The following POLR3E variants were observed in gnomAD, a reference collection of about 807,000 sequenced individuals.
POLR3E encodes the protein DNA-directed RNA polymerase III subunit RPC5.
A neutral mutation model predicts 96.6 loss-of-function variants in POLR3E; 41 were observed. The ratio of observed to expected loss-of-function variants is 0.42; its 90% CI spans 0.33 to 0.55. The LOEUF is 0.55. Ranked by LOEUF, POLR3E falls within the 20% of genes least tolerant of loss-of-function variation. The pLI is 0.06. For synonymous variants in POLR3E, 396 were observed against 383.6 expected (o/e 1.03, Z -0.38); for missense variants, 849 against 952.1 (o/e 0.89, Z 1.43).
In POLR3E at chr16:22,313,766, T is replaced by G. The variant is rs1406204490; in HGVS notation, c.472+39T>G. ...CCCCAGCCCTGCTGCCTGCCTGCCT[T>G]CATCCTGGTGGGATGGCTTGGTCCT... On this transcript the variant is annotated intron_variant, in intron 7 of 20. Coordinates refer to ENST00000299853, the MANE Select transcript of POLR3E (RefSeq NM_018119.4). The surrounding 1 kb of genome is among the most constrained non-coding windows in gnomAD (Gnocchi z 4.1). 1 of 1,373,866 alleles carries G rather than the reference T, an allele frequency of 7.3e-7. No homozygotes were observed. The highest frequency in any genetic ancestry group is 1.2e-5 in the South Asian group (1 of 86,216). The allele number at this position is 1,373,866 out of a possible 1,614,324, so 85.1% of individuals were successfully genotyped here.
At chr16:22,308,482 C>T (rs932116857) in intron 4 of POLR3E, 17 of 522,702 alleles carry the variant, frequency 3.3e-5, no homozygotes, top group Middle Eastern at 1.1e-3. Flanking sequence ...AAGACGAGGG[C>T]GGGCGGGTGA....
chr16:22,299,210 T>C (rs1348686087), intron 1 of POLR3E, among the ~76,000 whole-genome samples: 2 of 152,014 alleles, frequency 1.3e-5, no homozygotes, highest in Non-Finnish European at 2.9e-5. Context: ...TGTGGGAGAA[T>C]AGATGATGTG....
intron 19 of POLR3E, among the ~76,000 whole-genome samples, chr16:22,329,432 T>C (rs774958682): frequency 2.9e-4 from 44 of 152,156 alleles, no homozygotes; most frequent in Non-Finnish European, 4.9e-4. Flanking sequence ...CAGCTTTTCT[T>C]AGGCCGTGAA....
In POLR3E at chr16:22,323,396, A is replaced by G. The variant is rs867703891; in HGVS notation, c.1068+465A>G. On this transcript the variant is annotated intron_variant, in intron 14 of 20. Coordinates refer to ENST00000299853, the MANE Select transcript of POLR3E (RefSeq NM_018119.4). Reference sequence around the variant, plus strand: ...CTGTCCCTGGAGTTTGGGACTCCTGAGCTGGTGTCTCCCTTCTTCCCATCA... The same window carrying G: ...CTGTCCCTGGAGTTTGGGACTCCTGGGCTGGTGTCTCCCTTCTTCCCATCA... Among the ~76,000 whole-genome samples the G allele has an allele frequency of 4.0e-5, 6 of 151,852 alleles. No individual in the cohort carries two copies. The East Asian group carries it at 9.7e-4, about 24-fold the overall frequency.
At chr16:22,305,246 T>C in intron 3 of POLR3E, 40 bp downstream of exon 3, 3 of 1,451,340 alleles carry the variant, frequency 2.1e-6, no homozygotes, top group Non-Finnish European at 2.9e-6. Flanking sequence ...GAGAAGCAGG[T>C]GTGGGTGGGT....
intron 6 of POLR3E, 49 bp downstream of exon 6, chr16:22,309,559 C>T: frequency 8.1e-7 from 1 of 1,240,448 alleles, no homozygotes; most frequent in Non-Finnish European, 1.2e-6. Flanking sequence ...TTGGGGGGGG[C>T]TGGGCAGGGA....
At position 22,332,115 on chromosome 16, in the gene POLR3E, T is replaced by C. The variant is rs1324733922; in HGVS notation, c.2000T>C (p.Met667Thr). The change falls in exon 20 of 21, where the codon ATG (methionine) becomes ACG (threonine). Residue 667 changes from methionine to threonine, a missense_variant. Physicochemically the swap from Met to Thr is moderately conservative, Grantham distance 81. Transcript: ENST00000299853. ...FSKNYRVRRN[M>T]IQSRLTQECG... The stretch of plus-strand genomic sequence containing the variant: ...AAAAATTACCGGGTACGCCGAAACA[T>C]GATCCAGTCTCGGTTGACTCAAGAG... The C allele has an allele frequency of 1.2e-6, 2 of 1,613,558 alleles. No individual in the cohort carries two copies. Among genetic ancestry groups the C allele is most frequent in the Non-Finnish European group, 1.7e-6 (2 of 1,179,540 alleles).
At position 22,332,416 on chromosome 16, in the gene POLR3E, C is replaced by T. The variant is rs148055849; in HGVS notation, c.2070+231C>T. Among the ~76,000 whole-genome samples the T allele has an allele frequency of 1.8e-3, 281 of 152,196 alleles. 1 individual carries two copies. Among genetic ancestry groups the T allele is most frequent in the Middle Eastern group, 0.01 (3 of 294 alleles). On this transcript the variant is annotated intron_variant, in intron 20 of 20. Transcript: ENST00000299853. ...CAAACAATATAGTCACAGTGGTGTC[C>T]AAGGGAAAGAATACAGCCATGGATG...
chr16:22,309,329 G>C, intron 5 of POLR3E, 99 bp from the exon 6 acceptor site: 1 of 947,084 alleles, frequency 1.1e-6, no homozygotes, highest in Non-Finnish European at 1.7e-6. Context: ...CCCTGGCTGT[G>C]GCACTTCAGA....
chr16:22,333,271 G>C (rs2048781952), intron 20 of POLR3E, among the ~76,000 whole-genome samples: 1 of 151,392 alleles, frequency 6.6e-6, no homozygotes, highest in Non-Finnish European at 1.5e-5. Flanking sequence ...TGACCAACAT[G>C]GAGAAACCCC....
chr16:22,332,032 C>A, intron 19 of POLR3E, 28 bp from the exon 20 acceptor site: 1 of 1,608,028 alleles, frequency 6.2e-7, no homozygotes, highest in Middle Eastern at 1.7e-4. Context: ...TCACTGTTTC[C>A]CATCATAACG....
At chr16:22,299,124 T>C in intron 1 of POLR3E, 1 of 448,236 alleles carries the variant, frequency 2.2e-6, no homozygotes, top group Non-Finnish European at 4.5e-6. Flanking sequence ...GCTTTTAAAA[T>C]AGGGTGGTCA....
intron 2 of POLR3E, 30 bp from the exon 3 acceptor site, chr16:22,305,126 C>A (rs775096710): frequency 6.2e-7 from 1 of 1,600,134 alleles, no homozygotes; most frequent in Admixed American, 1.7e-5. Flanking sequence ...TGTCCAGTCT[C>A]CCGGTTAAGT....
chr16:22,299,765 C>T (rs550613716), intron 1 of POLR3E, among the ~76,000 whole-genome samples: 115 of 151,976 alleles, frequency 7.6e-4, no homozygotes, highest in Non-Finnish European at 1.2e-3. Flanking sequence ...CAGGATGGAG[C>T]GCAGTGGTGT....
intron 14 of POLR3E, among the ~76,000 whole-genome samples, chr16:22,323,696 C>T (rs1417087825): frequency 6.6e-6 from 1 of 152,176 alleles, no homozygotes; most frequent in African/African-American, 2.4e-5. Flanking sequence ...TAACAATCAC[C>T]ACTCCCAGGC....
At position 22,318,763 on chromosome 16, in the gene POLR3E, G is replaced by A. The variant is rs1033573795; in HGVS notation, c.866-63G>A. ...TGAACTTGAAGCTATGCGGACTCTC[G>A]GTGGAGGGGAGGGAAGGGCCCGGCC... On this transcript the variant is annotated intron_variant, in intron 12 of 20. Transcript: ENST00000299853. This position sits in a 1 kb window ranked among gnomAD's most constrained non-coding sequence, Gnocchi z 5.0. 17 of 1,564,056 alleles carry A rather than the reference G, an allele frequency of 1.1e-5. No homozygotes were observed. The highest frequency in any genetic ancestry group is 1.9e-4 in the Middle Eastern group (1 of 5,240).
intron 13 of POLR3E, 75 bp downstream of exon 13, chr16:22,319,021 C>A: frequency 8.4e-7 from 1 of 1,193,542 alleles, no homozygotes; most frequent in Non-Finnish European, 1.2e-6. Context: ...GTTGCCCAGG[C>A]TGGTGTGTAG....
At chr16:22,298,426 C>T (rs2047942341) in intron 1 of POLR3E, among the ~76,000 whole-genome samples, 2 of 152,174 alleles carry the variant, frequency 1.3e-5, no homozygotes, top group South Asian at 2.1e-4. Context: ...CGTTTATTAG[C>T]GTCCTGTCCT....
rs766108573 is a variant in POLR3E at position 22,309,067 on chromosome 16, G to A, written c.281+27G>A. On this transcript the variant is annotated intron_variant, in intron 5 of 20. Coordinates refer to ENST00000299853, the MANE Select transcript of POLR3E (RefSeq NM_018119.4). ...TGAGTTTCCGGCCCCAAGCCTGTCC[G>A]GTTTCCCTGCGTTCACACAGGAGCC... 9.2e-6 allele frequency: 14 copies of A among 1,521,532 alleles called. No homozygotes were observed. In the South Asian group the frequency reaches 1.0e-4, roughly 11 times the overall value. The allele number at this position is 1,521,532 out of a possible 1,614,324, so 94.3% of individuals were successfully genotyped here.
Sources: allele counts gnomAD v4.1 joint callset (sites outside exome capture counted in the v4.1 genomes callset), GRCh38; gene constraint gnomAD v4.1.1; non-coding constraint Gnocchi (gnomAD v3.1); transcripts MANE v1.5; gene names NCBI Gene and HGNC (gene_info 2026-07-23, HGNC 2026-07-21).